Variants in STXBP4 observed in about 807,000 individuals in gnomAD.
STXBP4 encodes the protein syntaxin binding protein 4.
Under a neutral mutation model 76.1 loss-of-function variants are expected in STXBP4, and 55 were observed. That is an observed-to-expected ratio of 0.72 (90% CI 0.58 to 0.91). The LOEUF (loss-of-function observed/expected upper bound fraction) is 0.91, where lower values mean the gene tolerates loss of function less well. STXBP4 is among the 40% of genes least tolerant of loss of function. The probability of loss-of-function intolerance (pLI) is 0.00; values close to 1 mark genes in which losing one functional copy is unlikely to be tolerated. For synonymous variants in STXBP4, 201 were observed against 220.2 expected, an observed-to-expected ratio of 0.91 and a Z score of 0.77; for missense variants, 618 against 636.9, an observed-to-expected ratio of 0.97 and a Z score of 0.32.
At chr17:54,994,253 G>A (rs1201169297) in intron 4 of STXBP4, among the ~76,000 whole-genome samples, 19 of 152,124 alleles carry the variant, frequency 1.2e-4, no homozygotes, top group Non-Finnish European at 5.9e-5. Context: ...CCTTTTTCTG[G>A]CCAAGACACT....
rs1480109976 is a variant in STXBP4, at chr17:55,169,893, A to G, written c.*9982A>G. 1 of 152,224 alleles carries G rather than the reference A, an allele frequency of 6.6e-6. No homozygotes were observed. The highest frequency in any genetic ancestry group is 2.4e-5 in the African/African-American group (1 of 41,462). 9.4% of individuals were successfully genotyped at this position (152,224 alleles called of 1,614,324 possible). A position where few individuals can be genotyped will look rare whatever the true frequency, so the allele number is the denominator to read the frequency against. ...GAAGTGAACCTTTAAGGCTGTGGAC[A>G]ATGCAAACTCCCTCATGTACCTTGC... is the stretch of plus-strand genomic sequence containing the variant. On this transcript the variant is annotated 3_prime_UTR_variant, in exon 18 of 18. Coordinates refer to ENST00000376352, the MANE Select transcript of STXBP4 (RefSeq NM_178509.6).
chr17:55,046,503 T>C (rs193115641), intron 11 of STXBP4, among the ~76,000 whole-genome samples: 3 of 152,080 alleles, frequency 2.0e-5, no homozygotes, highest in Admixed American at 1.3e-4. Flanking sequence ...ATTTAAGATA[T>C]AATTAATAAA....
intron 1 of STXBP4, among the ~76,000 whole-genome samples, chr17:54,972,785 A>G (rs2077419485): frequency 6.6e-6 from 1 of 152,216 alleles, no homozygotes; most frequent in African/African-American, 2.4e-5. Flanking sequence ...TGTATAAACA[A>G]GTGTGCATAT....
intron 17 of STXBP4, among the ~76,000 whole-genome samples, chr17:55,146,099 A>G (rs2080150171): frequency 6.6e-6 from 1 of 152,214 alleles, no homozygotes; most frequent in Non-Finnish European, 1.5e-5. Context: ...GTTATATAAT[A>G]TAACAAAATT....
chr17:54,978,995 G>A (rs933759520), intron 1 of STXBP4, among the ~76,000 whole-genome samples: 14 of 151,920 alleles, frequency 9.2e-5, no homozygotes, highest in African/African-American at 3.4e-4. Flanking sequence ...ATATTTTTGA[G>A]GTTTCTGATA....
chr17:55,052,544 A>G (rs527634002), intron 12 of STXBP4, among the ~76,000 whole-genome samples: 1 of 152,270 alleles, frequency 6.6e-6, no homozygotes, highest in East Asian at 1.9e-4. Flanking sequence ...AGACTTGATC[A>G]GGCACAAATC....
chr17:55,027,461 A>G (rs1380206336), intron 8 of STXBP4, among the ~76,000 whole-genome samples: 1 of 152,218 alleles, frequency 6.6e-6, no homozygotes, highest in African/African-American at 2.4e-5. Context: ...TATTGAGTAC[A>G]GTGAACACTA....
intron 4 of STXBP4, among the ~76,000 whole-genome samples, chr17:54,995,206 C>A (rs1598172795): frequency 6.6e-6 from 1 of 152,274 alleles, no homozygotes; most frequent in East Asian, 1.9e-4. Flanking sequence ...CATTTTCTCA[C>A]ATTTCTGAGG....
intron 16 of STXBP4, among the ~76,000 whole-genome samples, chr17:55,123,896 CT>C (rs2079875351): frequency 6.7e-6 from 1 of 149,636 alleles, no homozygotes; most frequent in Non-Finnish European, 1.5e-5. Context: ...AAGACTCAGT[CT>C]CAAAAAAAAA....
chr17:55,068,324 GT>G lies in STXBP4; in HGVS notation c.1012-4575del, dbSNP rs563475694. ...CTCTTTGCAGTCTCATTTTTCTCCT[GT>G]CACCTATTGACATTTTGAAAGATTT... On this transcript the variant is annotated intron_variant, in intron 12 of 17. Coordinates refer to ENST00000376352, the MANE Select transcript of STXBP4 (RefSeq NM_178509.6). Among the ~76,000 whole-genome samples, 148 of 152,128 alleles carry G rather than the reference GT, an allele frequency of 9.7e-4. 3 individuals are homozygous for G. Among genetic ancestry groups the G allele is most frequent in the African/African-American group, 3.5e-3 (144 of 41,540 alleles).
At chr17:55,134,182 T>C (rs1013867744) in intron 16 of STXBP4, among the ~76,000 whole-genome samples, 1 of 151,844 alleles carries the variant, frequency 6.6e-6, no homozygotes, top group African/African-American at 2.4e-5. Flanking sequence ...TGTGAATAGT[T>C]GGTGGATGTT....
chr17:54,996,708 G>A lies in STXBP4; in HGVS notation c.181-2637G>A, dbSNP rs187942009. Among the ~76,000 whole-genome samples, 87 of 152,202 alleles carry A rather than the reference G, an allele frequency of 5.7e-4. 1 individual carries two copies. Among genetic ancestry groups the A allele is most frequent in the African/African-American group, 2.1e-3 (86 of 41,542 alleles). ...CAGTAATAACTGGAGTTAAAAGAAG[G>A]TCACCATCAGTCTACATCTTGTAAA... On this transcript the variant is annotated intron_variant, in intron 4 of 17. Transcript: ENST00000376352.
At chr17:55,128,536 C>T (rs1396423018) in intron 16 of STXBP4, among the ~76,000 whole-genome samples, 2 of 152,220 alleles carry the variant, frequency 1.3e-5, no homozygotes, top group Non-Finnish European at 2.9e-5. Flanking sequence ...ATGTATCTCT[C>T]TCTTCCTTCT....
At chr17:55,212,835 G>A in the STXBP4 span, among the ~76,000 whole-genome samples, 3 of 152,168 alleles carry the variant, frequency 2.0e-5, no homozygotes, top group Admixed American at 6.5e-5. Flanking sequence ...GAGAGGTGGG[G>A]AGAGTTTGCA....
In STXBP4 at chr17:54,999,707, A is replaced by G; in HGVS notation, c.363A>G (p.Thr121=). The G allele has an allele frequency of 6.2e-7, 1 of 1,613,814 alleles. No homozygotes were observed. Among genetic ancestry groups the G allele is most frequent in the Non-Finnish European group, 8.5e-7 (1 of 1,179,842 alleles). ...DNIQPENLSC[T]SLIEASGEYG... ...TTCAGCCAGAAAATCTGTCATGTAC[A>G]TCACTTATAGAAGCTTCAGGAGAAT... is the stretch of plus-strand genomic sequence containing the variant. The change falls in exon 6 of 18, where the codon ACA becomes ACG. Residue 121 remains threonine (T), a synonymous_variant. Transcript: ENST00000376352.
intron 16 of STXBP4, among the ~76,000 whole-genome samples, chr17:55,081,692 G>A (rs529251151): frequency 6.6e-6 from 1 of 152,272 alleles, no homozygotes; most frequent in Non-Finnish European, 1.5e-5. Flanking sequence ...TTAATTAAAT[G>A]GCTTGGAATA....
intron 12 of STXBP4, among the ~76,000 whole-genome samples, chr17:55,052,916 CGTGTGTGT>C (rs59163531): frequency 0.017 from 1,640 of 95,670 alleles, 52 homozygotes; most frequent in African/African-American, 0.062. Context: ...ACGTGTATGA[CGTGTGTGT>C]GTGTGTGTGT....
chr17:55,211,211 T>C, the STXBP4 span, among the ~76,000 whole-genome samples: 1 of 152,252 alleles, frequency 6.6e-6, no homozygotes, highest in African/African-American at 2.4e-5. Flanking sequence ...GATTTATGTG[T>C]GTCCACTGCA....
intron 14 of STXBP4, 67 bp from the exon 15 acceptor site, chr17:55,078,615 TAATG>T: frequency 1.0e-6 from 1 of 964,544 alleles, no homozygotes; most frequent in South Asian, 1.5e-5. Flanking sequence ...TTATAAATAT[TAATG>T]AAGAAAAGAT....
Sources: gnomAD v4.1 joint callset for allele counts (sites outside exome capture counted in the v4.1 genomes callset) on GRCh38, gnomAD v4.1.1 for gene constraint, MANE v1.5 for transcripts, NCBI Gene and HGNC (gene_info 2026-07-23, HGNC 2026-07-21) for gene names.